Variants in RIMS2 observed in about 807,000 individuals in gnomAD.
The protein encoded by RIMS2 is regulating synaptic membrane exocytosis 2, also known as regulating synaptic membrane exocytosis protein 2.
Under a neutral mutation model 174.4 loss-of-function variants are expected in RIMS2, and 59 were observed. That is an observed-to-expected ratio of 0.34 (90% CI 0.27 to 0.42). The LOEUF is 0.42. Ranked by LOEUF, RIMS2 falls within the 10% of genes least tolerant of loss-of-function variation. The pLI, the probability that RIMS2 is intolerant of heterozygous loss-of-function variation, is 1.00. For synonymous variants in RIMS2, 606 were observed against 572.5 expected (o/e 1.06, Z -0.84); for missense variants, 1,620 against 1,666.3 (o/e 0.97, Z 0.48).
chr8:104,251,956 C>T, downstream of RIMS2: 2 of 634,816 alleles, frequency 3.2e-6, no homozygotes, highest in Non-Finnish European at 5.5e-6. Flanking sequence ...CAAAGCAATC[C>T]TGTGTTCTCA....
chr8:103,734,469 T>A (rs2097658514), intron 2 of RIMS2, among the ~76,000 whole-genome samples: 1 of 151,804 alleles, frequency 6.6e-6, no homozygotes, highest in African/African-American at 2.4e-5. Flanking sequence ...TCTTTTTTTT[T>A]TTTTAGCACT....
chr8:104,138,508 A>G (rs2098540382), intron 19 of RIMS2, among the ~76,000 whole-genome samples: 1 of 152,076 alleles, frequency 6.6e-6, no homozygotes, highest in East Asian at 1.9e-4. Context: ...TTTGATTTGC[A>G]TTTCTCTAAT....
At chr8:103,768,333 T>G (rs1591981996) in intron 3 of RIMS2, 1 of 674,196 alleles carries the variant, frequency 1.5e-6, no homozygotes, top group South Asian at 1.6e-5. Flanking sequence ...CTCATTGAAG[T>G]GGATGATAAA....
intron 10 of RIMS2, among the ~76,000 whole-genome samples, chr8:103,924,786 T>C (rs1364032740): frequency 6.6e-6 from 1 of 151,896 alleles, no homozygotes; most frequent in East Asian, 1.9e-4. Context: ...ATTCGTTGTT[T>C]ACATTTTCAT....
At chr8:103,927,468 T>G (rs2078995281) in intron 10 of RIMS2, among the ~76,000 whole-genome samples, 1 of 151,510 alleles carries the variant, frequency 6.6e-6, no homozygotes, top group South Asian at 2.1e-4. Context: ...CTATTCTATT[T>G]TTTATGTAGT....
chr8:103,700,701 G>A (rs1034397417), intron 2 of RIMS2, among the ~76,000 whole-genome samples: 1 of 151,630 alleles, frequency 6.6e-6, no homozygotes, highest in South Asian at 2.1e-4. Flanking sequence ...TCTGTTCTTT[G>A]TTTTTTCAAT....
At chr8:104,112,486 T>C (rs2098205612) in intron 19 of RIMS2, among the ~76,000 whole-genome samples, 1 of 152,116 alleles carries the variant, frequency 6.6e-6, no homozygotes, top group African/African-American at 2.4e-5. Context: ...ATACATGATA[T>C]ATGTATGTGT....
intron 4 of RIMS2, among the ~76,000 whole-genome samples, chr8:103,887,734 A>G (rs1277572905): frequency 6.6e-6 from 1 of 151,594 alleles, no homozygotes; most frequent in Non-Finnish European, 1.5e-5. Flanking sequence ...TACTGTACCA[A>G]AATAATTAGT....
At chr8:104,111,624 T>C (rs1424408477) in intron 19 of RIMS2, among the ~76,000 whole-genome samples, 1 of 152,124 alleles carries the variant, frequency 6.6e-6, no homozygotes, top group Non-Finnish European at 1.5e-5. Context: ...GCCAGGATGG[T>C]CTCCATCTCT....
chr8:104,176,163 T>C (rs2098891874), intron 19 of RIMS2, among the ~76,000 whole-genome samples: 1 of 152,208 alleles, frequency 6.6e-6, no homozygotes, highest in Non-Finnish European at 1.5e-5. Context: ...CTACCTTTCA[T>C]TGCCACATAT....
rs1427051945 is a variant in RIMS2, at chr8:103,588,184, G to A, written c.176+87122G>A. ...AGTAAAATTAAATACCTAGAAATTA[G>A]CTTAATCAAAGAAATGAAAGATCTC... On this transcript the variant is annotated intron_variant, in intron 1 of 23. Transcript: ENST00000504942. Among the ~76,000 whole-genome samples, 4 of 151,568 alleles carry A rather than the reference G, an allele frequency of 2.6e-5. No homozygotes were observed. In the East Asian group the frequency reaches 7.7e-4, roughly 29 times the overall value.
intron 12 of RIMS2, 25 bp downstream of exon 14, chr8:103,931,418 G>C: frequency 2.0e-6 from 3 of 1,501,688 alleles, no homozygotes; most frequent in Non-Finnish European, 2.7e-6. Flanking sequence ...CAAAATAAAT[G>C]TTCTGGAAAA....
chr8:103,589,158 A>G (rs1012754678), intron 1 of RIMS2, among the ~76,000 whole-genome samples: 47 of 151,726 alleles, frequency 3.1e-4, no homozygotes, highest in African/African-American at 1.1e-3. Flanking sequence ...AAAAACCTAA[A>G]GACTCCACAA....
intron 3 of RIMS2, among the ~76,000 whole-genome samples, chr8:103,826,397 G>A (rs2098791203): frequency 6.6e-6 from 1 of 150,626 alleles, no homozygotes; most frequent in African/African-American, 2.4e-5. Flanking sequence ...ATTAATTTTT[G>A]TGTATATAGT....
chr8:103,611,691 T>C (rs375405842), intron 1 of RIMS2, among the ~76,000 whole-genome samples: 136 of 152,224 alleles, frequency 8.9e-4, no homozygotes, highest in African/African-American at 3.1e-3. Flanking sequence ...TTTTCCTGCT[T>C]TTAGGATCCT....
intron 19 of RIMS2, among the ~76,000 whole-genome samples, chr8:104,104,168 G>A (rs2097976775): frequency 6.6e-6 from 1 of 152,178 alleles, no homozygotes; most frequent in African/African-American, 2.4e-5. Context: ...CACATAAGAA[G>A]TAAGAATATA....
intron 3 of RIMS2, among the ~76,000 whole-genome samples, chr8:103,876,034 A>G (rs1315785839): frequency 6.6e-6 from 1 of 151,984 alleles, no homozygotes; most frequent in East Asian, 1.9e-4. Context: ...CAGTTTGTGA[A>G]TATTTTCTCC....
chr8:103,885,102 A>G lies in RIMS2; in HGVS notation c.699-196A>G, dbSNP rs1043037909. Among the ~76,000 whole-genome samples, 10 of 152,060 alleles carry G rather than the reference A, an allele frequency of 6.6e-5. No individual in the cohort carries two copies. In the South Asian group the frequency reaches 2.1e-3, roughly 31 times the overall value. ...CCAGATATAGTGTTGCAGGCACTTA[A>G]TAACCACAACAAAGTACTTATTTGA... On this transcript the variant is annotated intron_variant, in intron 3 of 23. Coordinates refer to ENST00000504942, the Ensembl canonical transcript of RIMS2.
At chr8:103,627,278 C>T (rs533803000) in intron 1 of RIMS2, among the ~76,000 whole-genome samples, 24 of 152,308 alleles carry the variant, frequency 1.6e-4, no homozygotes, top group Non-Finnish European at 2.6e-4. Flanking sequence ...TGCCCGACCC[C>T]GCAGGCAGTC....
Sources: allele counts gnomAD v4.1 joint callset (sites outside exome capture counted in the v4.1 genomes callset), GRCh38; gene constraint gnomAD v4.1.1; transcripts MANE v1.5; gene names NCBI Gene and HGNC (gene_info 2026-07-23, HGNC 2026-07-21).